Variants in SETD3 observed in about 807,000 individuals in gnomAD.
SETD3 encodes the protein actin-histidine N-methyltransferase.
Under a neutral mutation model 63.0 loss-of-function variants are expected in SETD3, and 19 were observed. The ratio of observed to expected loss-of-function variants is 0.30; its 90% CI spans 0.21 to 0.44. The LOEUF (loss-of-function observed/expected upper bound fraction) is 0.44. Ranked by LOEUF, SETD3 falls within the 20% of genes least tolerant of loss-of-function variation. The probability of loss-of-function intolerance (pLI) is 1.00; values close to 1 mark genes in which losing one functional copy is unlikely to be tolerated. For synonymous variants in SETD3, 286 were observed against 264.1 expected (o/e 1.08, Z -0.80); for missense variants, 587 against 728.5 (o/e 0.81, Z 2.24).
At chr14:99,453,829 A>G (rs79428002) in intron 6 of SETD3, among the ~76,000 whole-genome samples, 3 of 147,508 alleles carry the variant, frequency 2.0e-5, no homozygotes, top group African/African-American at 2.5e-5. Context: ...CCACCTCAAG[A>G]AAAAAAAAAA....
intron 10 of SETD3, 92 bp downstream of exon 10, chr14:99,405,113 G>C (rs1295007609): frequency 4.1e-6 from 6 of 1,479,312 alleles, no homozygotes; most frequent in Non-Finnish European, 5.4e-6. Flanking sequence ...AACTACTGGA[G>C]AGAAGTTTTA....
intron 1 of SETD3, among the ~76,000 whole-genome samples, chr14:99,471,324 A>C (rs1236763394): frequency 1.3e-5 from 2 of 152,356 alleles, no homozygotes; most frequent in East Asian, 3.9e-4. Context: ...TCAAAATGAA[A>C]CATTTACTGA....
At chr14:99,457,145 C>G (rs772702174) in intron 6 of SETD3, among the ~76,000 whole-genome samples, 1 of 152,230 alleles carries the variant, frequency 6.6e-6, no homozygotes, top group Admixed American at 6.5e-5. Context: ...CAGGTGCACA[C>G]TATATGAAGA....
At chr14:99,451,294 C>T (rs1054309941) in intron 6 of SETD3, among the ~76,000 whole-genome samples, 8 of 152,158 alleles carry the variant, frequency 5.3e-5, no homozygotes, top group Non-Finnish European at 7.3e-5. Context: ...ATGCCAAGTT[C>T]GGCCTTCCAC....
rs1425400180 is a variant in SETD3, at chr14:99,439,625, ATTTATATT to A, written c.675+18646_675+18653del. On this transcript the variant is annotated intron_variant, in intron 6 of 12. Coordinates refer to ENST00000331768, the MANE Select transcript of SETD3 (RefSeq NM_032233.3). ...ATCTATGTATTAAATATATAAACAT[ATTTATATT>A]TTTATATATACATATATAAATATGT... 2.7e-5 allele frequency among the ~76,000 whole-genome samples: 4 copies of A among 147,826 alleles called. No individual in the cohort carries two copies. The Admixed American group carries it at 2.7e-4, about 10-fold the overall frequency.
chr14:99,456,509 T>C (rs1001738316), intron 6 of SETD3, among the ~76,000 whole-genome samples: 3 of 152,240 alleles, frequency 2.0e-5, no homozygotes, highest in Non-Finnish European at 4.4e-5. Flanking sequence ...ATTAGTCATG[T>C]AGGAATTTTA....
At chr14:99,424,796 G>A (rs1283034631) in intron 6 of SETD3, among the ~76,000 whole-genome samples, 2 of 152,154 alleles carry the variant, frequency 1.3e-5, no homozygotes, top group East Asian at 1.9e-4. Context: ...CCCAGGAAGA[G>A]CTGAGACACA....
At chr14:99,400,541 A>G (rs1447871327) in intron 11 of SETD3, among the ~76,000 whole-genome samples, 1 of 152,168 alleles carries the variant, frequency 6.6e-6, no homozygotes, top group Non-Finnish European at 1.5e-5. Context: ...GAGCCTTTAG[A>G]CAGTTTCACA....
At chr14:99,424,200 T>G (rs947282469) in intron 6 of SETD3, among the ~76,000 whole-genome samples, 1 of 152,234 alleles carries the variant, frequency 6.6e-6, no homozygotes, top group Non-Finnish European at 1.5e-5. Context: ...TAGTCATAGA[T>G]GAGAAAAGAC....
At chr14:99,415,211 A>G (rs140425046) in intron 6 of SETD3, among the ~76,000 whole-genome samples, 5 of 152,320 alleles carry the variant, frequency 3.3e-5, no homozygotes, top group African/African-American at 1.2e-4. Flanking sequence ...GAAGTGGGAA[A>G]GTGTTGTTTT....
intron 1 of SETD3, among the ~76,000 whole-genome samples, chr14:99,474,045 G>A (rs748966175): frequency 1.3e-5 from 2 of 152,176 alleles, no homozygotes; most frequent in African/African-American, 2.4e-5. Flanking sequence ...ACTGGGCCAG[G>A]GGCAGTGGCT....
chr14:99,471,502 G>A (rs958622972), intron 1 of SETD3, among the ~76,000 whole-genome samples: 1 of 152,214 alleles, frequency 6.6e-6, no homozygotes, highest in Non-Finnish European at 1.5e-5. Context: ...GGGCATAGTG[G>A]CACATGCCTA....
At chr14:99,477,893 C>A (rs1896057998) in intron 1 of SETD3, among the ~76,000 whole-genome samples, 1 of 151,844 alleles carries the variant, frequency 6.6e-6, no homozygotes, top group Non-Finnish European at 1.5e-5. Context: ...GTTAACCTCT[C>A]CAATTTATGA....
intron 1 of SETD3, among the ~76,000 whole-genome samples, chr14:99,479,678 T>G (rs926377076): frequency 6.6e-6 from 1 of 152,252 alleles, no homozygotes; most frequent in East Asian, 1.9e-4. Context: ...AACGCATTTA[T>G]AGTGGCCTCA....
intron 6 of SETD3, among the ~76,000 whole-genome samples, chr14:99,440,550 C>T (rs910642938): frequency 6.6e-6 from 1 of 152,004 alleles, no homozygotes; most frequent in Non-Finnish European, 1.5e-5. Context: ...GCTCAGAGAG[C>T]GAATCTAAGT....
intron 6 of SETD3, among the ~76,000 whole-genome samples, chr14:99,438,562 C>T (rs1202186420): frequency 6.6e-6 from 1 of 152,218 alleles, no homozygotes; most frequent in Non-Finnish European, 1.5e-5. Flanking sequence ...ATTCCAGAAT[C>T]CTCAAGATCA....
At chr14:99,448,748 G>A (rs1299784265) in intron 6 of SETD3, among the ~76,000 whole-genome samples, 1 of 152,144 alleles carries the variant, frequency 6.6e-6, no homozygotes, top group South Asian at 2.1e-4. Flanking sequence ...GAAGTTGGCT[G>A]AGAACAAAAA....
chr14:99,415,161 A>G (rs971086162), intron 6 of SETD3, among the ~76,000 whole-genome samples: 2 of 152,236 alleles, frequency 1.3e-5, no homozygotes, highest in African/African-American at 4.8e-5. Context: ...TACCCGATCA[A>G]CTGGGAACTT....
intron 6 of SETD3, among the ~76,000 whole-genome samples, chr14:99,443,368 C>T (rs1406967389): frequency 2.0e-5 from 3 of 150,886 alleles, no homozygotes; most frequent in African/African-American, 7.3e-5. Context: ...TCTCCTGCCT[C>T]AGCCTCTTGA....
Sources: gnomAD v4.1 joint callset for allele counts (sites outside exome capture counted in the v4.1 genomes callset) on GRCh38, gnomAD v4.1.1 for gene constraint, MANE v1.5 for transcripts, NCBI Gene and HGNC (gene_info 2026-07-23, HGNC 2026-07-21) for gene names.